UHRF2: variants seen among roughly 807,000 people sequenced by gnomAD.
UHRF2 encodes E3 ubiquitin-protein ligase UHRF2.
A neutral mutation model predicts 96.8 loss-of-function variants in UHRF2; 23 were observed. That is an observed-to-expected ratio of 0.24 (90% CI 0.17 to 0.34). UHRF2 has a LOEUF of 0.34. Among genes scored for constraint, UHRF2 ranks in the 10% least tolerant of loss-of-function variants. The pLI is 1.00. For synonymous variants in UHRF2, 385 were observed against 332.6 expected, an observed-to-expected ratio of 1.16 and a Z score of -1.72; for missense variants, 685 against 981.5, an observed-to-expected ratio of 0.70 and a Z score of 4.04.
intron 8 of UHRF2, among the ~76,000 whole-genome samples, chr9:6,483,208 C>A (rs1180571959): frequency 6.6e-6 from 1 of 151,658 alleles, no homozygotes; most frequent in Non-Finnish European, 1.5e-5. Context: ...GCCTATAATA[C>A]CAGCTACTCA....
chr9:6,472,372 A>G (rs1367310444), intron 4 of UHRF2, among the ~76,000 whole-genome samples: 1 of 152,246 alleles, frequency 6.6e-6, no homozygotes, highest in Non-Finnish European at 1.5e-5. Context: ...GGAACAGTAT[A>G]ACATGCTTAC....
intron 3 of UHRF2, among the ~76,000 whole-genome samples, chr9:6,450,678 T>A (rs1821804315): frequency 6.6e-6 from 1 of 152,214 alleles, no homozygotes; most frequent in Non-Finnish European, 1.5e-5. Flanking sequence ...GAACTTCCAG[T>A]GCCTTTTAAC....
At chr9:6,439,495 C>T (rs1821034561) in intron 3 of UHRF2, among the ~76,000 whole-genome samples, 1 of 152,150 alleles carries the variant, frequency 6.6e-6, no homozygotes, top group Non-Finnish European at 1.5e-5. Context: ...TTAAGGCCTA[C>T]GTTAAGCTGT....
intron 4 of UHRF2, among the ~76,000 whole-genome samples, chr9:6,469,717 T>C (rs964358745): frequency 6.7e-6 from 1 of 149,576 alleles, no homozygotes. Context: ...TATACACACA[T>C]ATATGTGCAT....
chr9:6,457,934 A>G (rs1346425726), intron 3 of UHRF2, among the ~76,000 whole-genome samples: 3 of 152,180 alleles, frequency 2.0e-5, no homozygotes, highest in Non-Finnish European at 4.4e-5. Context: ...GGATTTTTGC[A>G]TCAATGTTCA....
intron 13 of UHRF2, 126 bp from the exon 14 acceptor site, chr9:6,500,426 A>G (rs1816225401): frequency 5.2e-6 from 4 of 768,186 alleles, no homozygotes; most frequent in Admixed American, 3.6e-5. Context: ...TTTAGGGGAA[A>G]TTAGATGCTG....
intron 5 of UHRF2, among the ~76,000 whole-genome samples, chr9:6,477,191 A>G (rs1823628987): frequency 6.7e-6 from 1 of 150,114 alleles, no homozygotes; most frequent in African/African-American, 2.5e-5. Flanking sequence ...TAAGATTGGC[A>G]CCATTGCACT....
At chr9:6,466,516 G>A (rs930721975) in intron 4 of UHRF2, among the ~76,000 whole-genome samples, 3 of 144,252 alleles carry the variant, frequency 2.1e-5, no homozygotes, top group Admixed American at 7.0e-5. Context: ...CTCCAGCCTG[G>A]GTGACAGAGT....
intron 11 of UHRF2, 82 bp downstream of exon 11, chr9:6,497,442 G>T: frequency 6.7e-7 from 1 of 1,487,330 alleles, no homozygotes; most frequent in African/African-American, 1.4e-5. Flanking sequence ...TACTGTGGGT[G>T]GGCTCGAGGA....
chr9:6,464,024 A>G (rs1822716645), intron 4 of UHRF2, among the ~76,000 whole-genome samples: 1 of 152,300 alleles, frequency 6.6e-6, no homozygotes, highest in South Asian at 2.1e-4. Context: ...ACTTGAGTAG[A>G]TAGAACCAAG....
intron 3 of UHRF2, among the ~76,000 whole-genome samples, chr9:6,437,679 G>C (rs1240990239): frequency 1.3e-5 from 2 of 152,004 alleles, no homozygotes; most frequent in Non-Finnish European, 2.9e-5. Context: ...GTGCAGTGGT[G>C]CGATCTCAGG....
intron 9 of UHRF2, among the ~76,000 whole-genome samples, chr9:6,489,806 A>T (rs1824551214): frequency 6.6e-6 from 1 of 150,800 alleles, no homozygotes; most frequent in African/African-American, 2.4e-5. Flanking sequence ...TGTTACAAAG[A>T]TGAATCAATA....
chr9:6,454,088 A>C (rs1384272316), intron 3 of UHRF2, among the ~76,000 whole-genome samples: 4 of 152,206 alleles, frequency 2.6e-5, no homozygotes, highest in African/African-American at 9.6e-5. Context: ...TAGTCCTCAA[A>C]ACCACCATAT....
intron 8 of UHRF2, among the ~76,000 whole-genome samples, chr9:6,484,145 A>C (rs1824102734): frequency 6.6e-6 from 1 of 150,632 alleles, no homozygotes; most frequent in African/African-American, 2.4e-5. Flanking sequence ...ATGACAGCTC[A>C]CTGTAACTTC....
At chr9:6,486,392 C>T (rs140812543) in intron 8 of UHRF2, among the ~76,000 whole-genome samples, 18 of 152,294 alleles carry the variant, frequency 1.2e-4, no homozygotes, top group African/African-American at 4.1e-4. Context: ...AAAATAACTC[C>T]TGCATTTTTG....
At chr9:6,498,240 A>T in intron 12 of UHRF2, 82 bp downstream of exon 12, 1 of 1,424,382 alleles carries the variant, frequency 7.0e-7, no homozygotes, top group Non-Finnish European at 9.4e-7. Flanking sequence ...CACTGGATAT[A>T]ACCCACAGCA....
At chr9:6,473,107 A>G (rs896921264) in intron 4 of UHRF2, among the ~76,000 whole-genome samples, 3 of 152,186 alleles carry the variant, frequency 2.0e-5, no homozygotes, top group African/African-American at 7.2e-5. Context: ...GGGGGCAGAA[A>G]ATGGGCAAGA....
intron 1 of UHRF2, among the ~76,000 whole-genome samples, chr9:6,418,697 T>G (rs1346080653): frequency 1.3e-5 from 2 of 152,204 alleles, no homozygotes; most frequent in Non-Finnish European, 2.9e-5. Flanking sequence ...AGTTGTGGCC[T>G]GAAAGGAGTT....
chr9:6,482,323 G>T (rs890149041), intron 8 of UHRF2, among the ~76,000 whole-genome samples: 4 of 152,100 alleles, frequency 2.6e-5, no homozygotes, highest in African/African-American at 9.7e-5. Context: ...TTACTGTTCT[G>T]TTATAGTTGT....
Sources: gnomAD v4.1 joint callset for allele counts (sites outside exome capture counted in the v4.1 genomes callset) on GRCh38, gnomAD v4.1.1 for gene constraint, MANE v1.5 for transcripts, NCBI Gene and HGNC (gene_info 2026-07-23, HGNC 2026-07-21) for gene names.